Variants in ZSCAN5A observed in about 807,000 individuals in gnomAD.
ZSCAN5A encodes zinc finger and SCAN domain-containing protein 5A.
In ZSCAN5A, 12 loss-of-function variants were observed where a neutral mutation model predicts 23.7. The observed-to-expected ratio is 0.51, with a 90% CI of 0.32 to 0.82. The LOEUF (loss-of-function observed/expected upper bound fraction) is 0.82, where lower values mean the gene tolerates loss of function less well. Among genes scored for constraint, ZSCAN5A ranks in the 40% least tolerant of loss-of-function variants. ZSCAN5A has a pLI of 0.03. For synonymous variants in ZSCAN5A, 257 were observed against 239.9 expected, an observed-to-expected ratio of 1.07 and a Z score of -0.66; for missense variants, 597 against 617.9, an observed-to-expected ratio of 0.97 and a Z score of 0.36.
chr19:56,310,664 G>T (rs1283106069), intron 2 of ZSCAN5A, among the ~76,000 whole-genome samples: 3 of 152,230 alleles, frequency 2.0e-5, no homozygotes, highest in Admixed American at 6.5e-5. Flanking sequence ...GTATTCTTTT[G>T]TGTAAAGATT....
intron 2 of ZSCAN5A, among the ~76,000 whole-genome samples, chr19:56,266,989 T>C (rs1336632637): frequency 6.6e-6 from 1 of 152,154 alleles, no homozygotes; most frequent in East Asian, 1.9e-4. Context: ...ATGATCTTCT[T>C]TCTGCGTGTC....
chr19:56,262,523 G>A (rs1313881307), intron 2 of ZSCAN5A, among the ~76,000 whole-genome samples: 3 of 151,900 alleles, frequency 2.0e-5, no homozygotes, highest in Admixed American at 6.6e-5. Flanking sequence ...CTGGGTTCAA[G>A]CAATTCTCCT....
chr19:56,347,995 C>T (rs926826574), intron 2 of ZSCAN5A: 5 of 152,178 alleles, frequency 3.3e-5, no homozygotes, highest in East Asian at 1.9e-4. Context: ...GGCAGCAAGA[C>T]GAAGCAACTT....
intron 2 of ZSCAN5A, among the ~76,000 whole-genome samples, chr19:56,337,325 TCTCAGA>T (rs1230925178): frequency 6.6e-6 from 1 of 152,230 alleles, no homozygotes; most frequent in Non-Finnish European, 1.5e-5. Context: ...TGCAGTTTGA[TCTCAGA>T]CTGCTGTGCT....
chr19:56,247,175 A>G (rs905713897), intron 2 of ZSCAN5A: 3 of 606,112 alleles, frequency 4.9e-6, no homozygotes, highest in East Asian at 2.9e-5. Context: ...TGCTTCACGC[A>G]GCTCTCAGAC....
At chr19:56,289,706 C>G (rs1329777943) in intron 2 of ZSCAN5A, among the ~76,000 whole-genome samples, 1 of 152,108 alleles carries the variant, frequency 6.6e-6, no homozygotes, top group Non-Finnish European at 1.5e-5. Context: ...TTAGACCCCC[C>G]AGGCTCAAGC....
At chr19:56,336,788 G>T (rs2041541720) in intron 2 of ZSCAN5A, among the ~76,000 whole-genome samples, 1 of 152,218 alleles carries the variant, frequency 6.6e-6, no homozygotes, top group African/African-American at 2.4e-5. Flanking sequence ...CTGTTTGTTA[G>T]TTTTCCTTCT....
chr19:56,246,789 T>G (rs147544636), intron 2 of ZSCAN5A: 1 of 1,607,532 alleles, frequency 6.2e-7, no homozygotes, highest in Non-Finnish European at 8.5e-7. Flanking sequence ...CTGTCGAAAA[T>G]GTGGATGCTG....
intron 2 of ZSCAN5A, among the ~76,000 whole-genome samples, chr19:56,275,456 T>A (rs373673651): frequency 1.4e-4 from 21 of 152,178 alleles, no homozygotes; most frequent in African/African-American, 5.1e-4. Context: ...ATTGGTTGGG[T>A]GCAGTGGCTC....
Position 56,225,176 on chromosome 19 carries a change from G to GC in ZSCAN5A, c.-127-4_-127-3insG. On this transcript the variant is annotated splice_polypyrimidine_tract_variant and splice_region_variant and intron_variant, in intron 2 of 5. Coordinates refer to ENST00000683990, the MANE Select transcript of ZSCAN5A (RefSeq NM_001322064.3). The stretch of plus-strand genomic sequence containing the variant: ...AGATTCACTGTTCATTCAGAAGTCT[G>GC]GGGGGGAAAAGTATGAGCCTCATTA... The GC allele has an allele frequency of 7.3e-7, 1 of 1,374,484 alleles. No individual in the cohort carries two copies. Among genetic ancestry groups the GC allele is most frequent in the Non-Finnish European group, 9.3e-7 (1 of 1,073,848 alleles). 85.1% of individuals were successfully genotyped at this position (1,374,484 alleles called of 1,614,324 possible).
chr19:56,246,735 T>G lies in ZSCAN5A; in HGVS notation c.-127-21562A>C, dbSNP rs61738599. ...GTGTGGAATCCCTTCTTCCAGCAGG[T>G]GTGGTGGGAGCAAAGGAGGGGAAGG... On this transcript the variant is annotated intron_variant, in intron 2 of 5. Coordinates refer to ENST00000683990, the MANE Select transcript of ZSCAN5A (RefSeq NM_001322064.3). 5,454 of 1,338,768 alleles carry G rather than the reference T, an allele frequency of 4.1e-3. 136 individuals carry two copies. The African/African-American group carries it at 0.069, about 17-fold the overall frequency. 82.9% of individuals were successfully genotyped at this position (1,338,768 alleles called of 1,614,324 possible).
chr19:56,279,488 C>T lies in ZSCAN5A; in HGVS notation c.-128+33795G>A, dbSNP rs1172739568. Reference sequence around the variant, plus strand: ...TCAGGTTGAAAGGAGATAAAAGGATCCAATATTAATTAAGCATTTAGCATG... The same window carrying T: ...TCAGGTTGAAAGGAGATAAAAGGATTCAATATTAATTAAGCATTTAGCATG... On this transcript the variant is annotated intron_variant, in intron 2 of 5. Coordinates refer to ENST00000683990, the MANE Select transcript of ZSCAN5A (RefSeq NM_001322064.3). 3.3e-5 allele frequency among the ~76,000 whole-genome samples: 5 copies of T among 152,228 alleles called. No individual in the cohort carries two copies. In the South Asian group the frequency reaches 1.0e-3, roughly 32 times the overall value.
chr19:56,366,396 C>G (rs368754738), intron 1 of ZSCAN5A, among the ~76,000 whole-genome samples: 2 of 143,290 alleles, frequency 1.4e-5, no homozygotes, highest in African/African-American at 5.4e-5. Flanking sequence ...GCACTCCAGC[C>G]TGGGTGACAC....
chr19:56,362,870 CAA>C (rs569648990), intron 2 of ZSCAN5A, among the ~76,000 whole-genome samples: 20 of 79,652 alleles, frequency 2.5e-4, no homozygotes, highest in South Asian at 1.5e-3. Context: ...GACTCTGCCT[CAA>C]AAAAAAAAAA....
chr19:56,258,729 A>G (rs1426855854), intron 2 of ZSCAN5A, among the ~76,000 whole-genome samples: 2 of 152,170 alleles, frequency 1.3e-5, no homozygotes, highest in Non-Finnish European at 2.9e-5. Flanking sequence ...GGTCCTCATC[A>G]AGAGGTGGAG....
At chr19:56,364,758 C>T (rs1048313153) in intron 1 of ZSCAN5A, among the ~76,000 whole-genome samples, 4 of 152,166 alleles carry the variant, frequency 2.6e-5, no homozygotes, top group African/African-American at 9.7e-5. Context: ...TTGACGTATA[C>T]CCTACACATA....
rs182543493 is a variant in ZSCAN5A at position 56,352,313 on chromosome 19, T to C, written c.-358+10922A>G. Among the ~76,000 whole-genome samples, 1 of 152,264 alleles carries C rather than the reference T, an allele frequency of 6.6e-6. No homozygotes were observed. Among genetic ancestry groups the C allele is most frequent in the African/African-American group, 2.4e-5 (1 of 41,544 alleles). ...ACGGATTAAACCAGACAATTAAACA[T>C]AATGCAAATGAATGTGATTACTGGG... On this transcript the variant is annotated intron_variant, in intron 2 of 6. Coordinates refer to the ZSCAN5A transcript ENST00000587340. This position sits in a 1 kb window ranked among gnomAD's most constrained non-coding sequence, Gnocchi z 4.2.
At chr19:56,248,323 T>C (rs112382650) in intron 2 of ZSCAN5A, among the ~76,000 whole-genome samples, 24,563 of 152,086 alleles carry the variant, frequency 0.16, 2,136 homozygotes, top group South Asian at 0.23. Context: ...TGCAGTGGTG[T>C]AATCACAGCT....
chr19:56,354,798 C>T (rs529567150), intron 2 of ZSCAN5A, among the ~76,000 whole-genome samples: 3 of 152,286 alleles, frequency 2.0e-5, no homozygotes, highest in African/African-American at 4.8e-5. Flanking sequence ...GGAATGTCAG[C>T]GTGGACCACT....
Sources: gnomAD v4.1 joint callset for allele counts (sites outside exome capture counted in the v4.1 genomes callset) on GRCh38, gnomAD v4.1.1 for gene constraint, Gnocchi (gnomAD v3.1) non-coding constraint, MANE v1.5 for transcripts, NCBI Gene and HGNC (gene_info 2026-07-23, HGNC 2026-07-21) for gene names.